The following EP400 variants were observed in gnomAD, a reference collection of about 807,000 sequenced individuals.
EP400 encodes the protein E1A-binding protein p400.
EP400 carries 105 observed loss-of-function variants against 354.1 expected under a neutral mutation model. The ratio of observed to expected loss-of-function variants is 0.30; its 90% confidence interval spans 0.25 to 0.35. The LOEUF is 0.35. EP400 is among the 10% of genes least tolerant of loss of function. The pLI is 1.00. For synonymous variants in EP400, 1,646 were observed against 1,716.9 expected (o/e 0.96, Z 1.02); for missense variants, 3,280 against 4,121.0 (o/e 0.80, Z 5.59).
Position 132,032,051 on chromosome 12 carries a change from C to T in EP400, c.5853C>T (p.Thr1951=), listed in dbSNP as rs766278627. The T allele has an allele frequency of 3.7e-6, 6 of 1,614,188 alleles. No homozygotes were observed. The highest frequency in any genetic ancestry group is 3.3e-5 in the South Asian group (3 of 91,082). Residue 1951 remains threonine (T), a synonymous_variant, in exon 30 of 53, where the codon ACC becomes ACT. Coordinates refer to ENST00000389561, the MANE Select transcript of EP400 (RefSeq NM_015409.5). ...GTATAAACCTTGTAGAGGCGGACACCGTCGTGTTTTATGACAATGACCTGA... is the reference window on the plus strand; with the variant it reads ...GTATAAACCTTGTAGAGGCGGACACTGTCGTGTTTTATGACAATGACCTGA... The part of the protein sequence containing the change: ...TTGINLVEAD[T]VVFYDNDLNP...
chr12:132,070,468 C>T lies in EP400; in HGVS notation c.9021+827C>T, dbSNP rs1051081253. On this transcript the variant is annotated intron_variant, in intron 51 of 52. Transcript: ENST00000389561. The surrounding 1 kb of genome is among the most constrained non-coding windows in gnomAD (Gnocchi z 4.1). ...GGCCATGCTGGTCCCACGGCGCTCTCGCTATGAGCGGCAGTGACACTTGGT... is the reference window on the plus strand; with the variant it reads ...GGCCATGCTGGTCCCACGGCGCTCTTGCTATGAGCGGCAGTGACACTTGGT... 3.9e-5 allele frequency among the ~76,000 whole-genome samples: 6 copies of T among 152,262 alleles called. No homozygotes were observed. The highest frequency in any genetic ancestry group is 1.4e-4 in the African/African-American group (6 of 41,472).
chr12:132,064,480 A>G (rs1056422896), intron 47 of EP400, among the ~76,000 whole-genome samples, 188 bp from the exon 48 acceptor site: 1 of 152,264 alleles, frequency 6.6e-6, no homozygotes, highest in African/African-American at 2.4e-5. Context: ...CGACGAATGC[A>G]CATTTTTAAT....
chr12:132,045,053 T>G, intron 37 of EP400, 100 bp downstream of exon 37: 7 of 1,512,496 alleles, frequency 4.6e-6, no homozygotes, highest in Non-Finnish European at 6.2e-6. Flanking sequence ...GCTGTCTGCC[T>G]GTCTGCTGCA....
At chr12:131,965,702 A>G (rs745393634) in intron 2 of EP400, among the ~76,000 whole-genome samples, 1 of 152,190 alleles carries the variant, frequency 6.6e-6, no homozygotes, top group Non-Finnish European at 1.5e-5. Flanking sequence ...ATGAATATCT[A>G]TGGAATCCTA....
intron 3 of EP400, among the ~76,000 whole-genome samples, chr12:131,980,067 C>G (rs546757221): frequency 6.6e-6 from 1 of 152,296 alleles, no homozygotes; most frequent in East Asian, 1.9e-4. Flanking sequence ...TGATTAAACA[C>G]AAAATCATCT....
At position 132,029,788 on chromosome 12, in the gene EP400, G is replaced by T. The variant is rs927661241; in HGVS notation, c.5469G>T (p.Arg1823Ser). 41 of 1,613,612 alleles carry T rather than the reference G, an allele frequency of 2.5e-5. No homozygotes were observed. The highest frequency in any genetic ancestry group is 3.2e-5 in the Non-Finnish European group (38 of 1,180,056). The part of the protein sequence containing the change: ...RPPPLYSHRM[R>S]ILRQGLREHA... Reference sequence around the variant, plus strand: ...CACCCCTGTACAGCCACAGAATGAGGATCTTGAGGCAGGGCCTGAGAGAGC... The same window carrying T: ...CACCCCTGTACAGCCACAGAATGAGTATCTTGAGGCAGGGCCTGAGAGAGC... The change falls in exon 28 of 53, where the codon AGG becomes AGT. Residue 1823 changes from arginine (R) to serine (S), a missense_variant. Arg to Ser is a moderately radical substitution (Grantham distance 110). Coordinates refer to ENST00000389561, the MANE Select transcript of EP400 (RefSeq NM_015409.5). The surrounding 1 kb of genome is among the most constrained non-coding windows in gnomAD (Gnocchi z 4.7).
chr12:131,969,692 C>T lies in EP400; in HGVS notation c.1335+7738C>T, dbSNP rs145407085. Among the ~76,000 whole-genome samples the T allele has an allele frequency of 7.2e-3, 1,089 of 152,164 alleles. 36 individuals are homozygous for T. In the South Asian group the frequency reaches 0.094, roughly 13 times the overall value. ...TTTCGACAAAGAGCCTGGTTCCTTT[C>T]GGTGGGGAATAGTAATTTGATTCTG... On this transcript the variant is annotated intron_variant, in intron 2 of 52. Coordinates refer to ENST00000389561, the MANE Select transcript of EP400 (RefSeq NM_015409.5).
chr12:132,009,830 A>ATTTTTTTTTTTTT (rs35513772), intron 15 of EP400, among the ~76,000 whole-genome samples: 1 of 79,722 alleles, frequency 1.3e-5, no homozygotes. Flanking sequence ...CGCCTGGCTA[A>ATTTTTTTTTTTTT]TTTTTTTTTT....
intron 48 of EP400, chr12:132,066,266 T>C (rs962987792): frequency 1.3e-5 from 2 of 154,644 alleles, no homozygotes; most frequent in Admixed American, 6.5e-5. Flanking sequence ...ATTTTTACTT[T>C]GTATTTTCTT....
chr12:132,062,728 C>G, intron 47 of EP400, 27 bp downstream of exon 47: 1 of 1,609,454 alleles, frequency 6.2e-7, no homozygotes, highest in Admixed American at 1.7e-5. Flanking sequence ...GGACCATGAA[C>G]GTGTGCGTCT....
At chr12:132,009,730 G>A (rs1430688657) in intron 15 of EP400, among the ~76,000 whole-genome samples, 1 of 151,934 alleles carries the variant, frequency 6.6e-6, no homozygotes, top group East Asian at 1.9e-4. Flanking sequence ...TGTGATCATG[G>A]CTCACTGCAG....
In EP400 at chr12:131,973,684, G is replaced by T. The variant is rs189393560; in HGVS notation, c.1336-6010G>T. On this transcript the variant is annotated intron_variant, in intron 2 of 52. Coordinates refer to ENST00000389561, the MANE Select transcript of EP400 (RefSeq NM_015409.5). ...AGTTTCAGGATGAGTTTTATTATTT[G>T]CAGCCAATTGTAGGATTTTTATAAT... Among the ~76,000 whole-genome samples, 445 of 152,224 alleles carry T rather than the reference G, an allele frequency of 2.9e-3. 4 individuals are homozygous for T. Among genetic ancestry groups the T allele is most frequent in the African/African-American group, 0.01 (421 of 41,568 alleles).
chr12:132,042,837 G>A (rs894332996), intron 32 of EP400, among the ~76,000 whole-genome samples: 5 of 152,160 alleles, frequency 3.3e-5, no homozygotes, highest in African/African-American at 1.2e-4. Flanking sequence ...GCTACATTTC[G>A]CGGTGGACTT....
At chr12:131,954,828 G>T (rs968303041) in intron 1 of EP400, among the ~76,000 whole-genome samples, 1 of 151,230 alleles carries the variant, frequency 6.6e-6, no homozygotes, top group Non-Finnish European at 1.5e-5. Context: ...AGGAGTTTAA[G>T]ACTAGCATAG....
At position 132,021,153 on chromosome 12, in the gene EP400, A is replaced by G; in HGVS notation, c.4522A>G (p.Thr1508Ala). The part of the protein sequence containing the change: ...PRHQPASASS[T>A]AASPAHPAKL... ...ACACCAGCCCGCCTCGGCCTCCAGCACAGCCGCTAGCCCGGCCCATCCTGC... is the reference window on the plus strand; with the variant it reads ...ACACCAGCCCGCCTCGGCCTCCAGCGCAGCCGCTAGCCCGGCCCATCCTGC... Residue 1508 changes from threonine (T) to alanine (A), a missense_variant, in exon 23 of 53, where the codon ACA (threonine) becomes GCA (alanine). Around this residue, in one of 20 missense-constraint regions of EP400, gnomAD observed 342 missense variants for 342.7 expected, o/e 1.00. Coordinates refer to ENST00000389561, the MANE Select transcript of EP400 (RefSeq NM_015409.5). 3.1e-6 allele frequency: 5 copies of G among 1,599,750 alleles called. No individual in the cohort carries two copies. Among genetic ancestry groups the G allele is most frequent in the Non-Finnish European group, 3.4e-6 (4 of 1,179,688 alleles).
At chr12:132,036,325 C>T (rs1024912863) in intron 30 of EP400, among the ~76,000 whole-genome samples, 2 of 150,690 alleles carry the variant, frequency 1.3e-5, no homozygotes, top group African/African-American at 4.9e-5. Flanking sequence ...CAGGTTCATA[C>T]GGAACATCGT....
intron 19 of EP400, among the ~76,000 whole-genome samples, chr12:132,016,531 G>C (rs1805150736): frequency 6.6e-6 from 1 of 152,080 alleles, no homozygotes; most frequent in South Asian, 2.1e-4. Context: ...ACCACACCTG[G>C]CTAATTTTTT....
chr12:132,027,534 A>G lies in EP400; in HGVS notation c.5109+3A>G, dbSNP rs1894348132. On this transcript the variant is annotated splice_donor_region_variant and intron_variant, in intron 26 of 52. Transcript: ENST00000389561. The surrounding 1 kb of genome is among the most constrained non-coding windows in gnomAD (Gnocchi z 4.9). Reference sequence around the variant, plus strand: ...CTCCCATTGGAGGGCCGACCCAGGTAAGCACCTGAGCTTGAGACCCCGGTG... The same window carrying G: ...CTCCCATTGGAGGGCCGACCCAGGTGAGCACCTGAGCTTGAGACCCCGGTG... 6.2e-7 allele frequency: 1 copy of G among 1,609,292 alleles called. No homozygotes were observed. Among genetic ancestry groups the G allele is most frequent in the Non-Finnish European group, 8.5e-7 (1 of 1,177,344 alleles).
rs764028271 is a variant in EP400, at chr12:132,069,611, C to T, written c.8991C>T (p.Ala2997=). ...TTPISQAQKL[A]GAQQVQTQIQ... ...CCATCTCCCAGGCCCAGAAACTGGC[C>T]GGGGCCCAGCAAGTGCAGACCCAGA... Residue 2997 remains alanine (A), a synonymous_variant, in exon 51 of 53, where the codon GCC becomes GCT. Coordinates refer to ENST00000389561, the MANE Select transcript of EP400 (RefSeq NM_015409.5). 7.4e-6 allele frequency: 12 copies of T among 1,614,086 alleles called. No individual in the cohort carries two copies. The highest frequency in any genetic ancestry group is 2.7e-5 in the African/African-American group (2 of 74,948).
Sources: gnomAD v4.1 joint callset for allele counts (sites outside exome capture counted in the v4.1 genomes callset) on GRCh38, gnomAD v4.1.1 for gene constraint, gnomAD v4.1.1 regional missense constraint, Gnocchi (gnomAD v3.1) non-coding constraint, MANE v1.5 for transcripts, NCBI Gene and HGNC (gene_info 2026-07-23, HGNC 2026-07-21) for gene names.